Variants in NBPF15 observed in about 807,000 individuals in gnomAD.
NBPF15 encodes NBPF family member NBPF15.
A neutral mutation model predicts 62.2 loss-of-function variants in NBPF15; 74 were observed. That is an observed-to-expected ratio of 1.19 (90% CI 0.99 to 1.44). The LOEUF is 1.44. Ranked by LOEUF, NBPF15 falls within the 40% of genes most tolerant of loss-of-function variation. NBPF15 has a pLI of 0.00. For synonymous variants in NBPF15, 244 were observed against 209.7 expected, an observed-to-expected ratio of 1.16 and a Z score of -1.41; for missense variants, 790 against 550.0, an observed-to-expected ratio of 1.44 and a Z score of -4.36.
At chr1:144,435,707 C>T in intron 11 of NBPF15, 74 bp downstream of exon 11, 1 of 997,662 alleles carries the variant, frequency 1.0e-6, no homozygotes, top group East Asian at 2.3e-5. Context: ...ATCATAGATG[C>T]CAGAGAGGGT....
Position 144,438,046 on chromosome 1 carries a change from T to A in NBPF15, c.177A>T (p.Lys59Asn), listed in dbSNP as rs782420963. Residue 59 changes from lysine (K) to asparagine (N), a missense_variant and splice_region_variant, in exon 9 of 22, where the codon AAA becomes AAT. By Grantham distance (94) the Lys-to-Asn change is moderately conservative. Transcript: ENST00000581897. Reference protein sequence around the residue: ...GFLANRQKKYKYEECKDLIKF... With the variant: ...GFLANRQKKYNYEECKDLIKF... Reference sequence around the variant, plus strand: ...TTATGAGATCTTTGCACTCTTCATATTCTGAGAAAAGACAGACACGCCTGC... The same window carrying A: ...TTATGAGATCTTTGCACTCTTCATAATCTGAGAAAAGACAGACACGCCTGC... 27 of 1,611,188 alleles carry A rather than the reference T, an allele frequency of 1.7e-5. No individual in the cohort carries two copies. The highest frequency in any genetic ancestry group is 2.2e-5 in the Non-Finnish European group (26 of 1,179,812).
chr1:144,453,358 G>A (rs191479039), intron 4 of NBPF15, among the ~76,000 whole-genome samples: 1 of 151,866 alleles, frequency 6.6e-6, no homozygotes, highest in Non-Finnish European at 1.5e-5. Flanking sequence ...AATGTAAGGT[G>A]CAAAACCATA....
At chr1:144,447,974 C>G (rs587721901) in intron 6 of NBPF15, among the ~76,000 whole-genome samples, 1 of 152,036 alleles carries the variant, frequency 6.6e-6, no homozygotes, top group Non-Finnish European at 1.5e-5. Flanking sequence ...GCAGCATCAG[C>G]CACTGTCGGC....
In NBPF15 at chr1:144,438,048, C is replaced by G; in HGVS notation, c.176-1G>C. On this transcript the variant is annotated splice_acceptor_variant, in intron 8 of 21. Coordinates refer to ENST00000581897, the MANE Select transcript of NBPF15 (RefSeq NM_001385408.1). LOFTEE classifies it high-confidence loss of function. The stretch of plus-strand genomic sequence containing the variant: ...ATGAGATCTTTGCACTCTTCATATT[C>G]TGAGAAAAGACAGACACGCCTGCCT... 5 of 1,611,318 alleles carry G rather than the reference C, an allele frequency of 3.1e-6. No homozygotes were observed. Among genetic ancestry groups the G allele is most frequent in the Non-Finnish European group, 3.4e-6 (4 of 1,179,830 alleles).
At chr1:144,432,761 C>A (rs587640501) in intron 13 of NBPF15, among the ~76,000 whole-genome samples, 3 of 151,958 alleles carry the variant, frequency 2.0e-5, no homozygotes, top group East Asian at 1.9e-4. Flanking sequence ...GTTAACTATC[C>A]TAAATATATA....
chr1:144,443,343 T>C (rs1553543264), intron 6 of NBPF15, among the ~76,000 whole-genome samples: 1 of 152,004 alleles, frequency 6.6e-6, no homozygotes, highest in Non-Finnish European at 1.5e-5. Flanking sequence ...TTACTACTGT[T>C]TTAAAATTAC....
In NBPF15 at chr1:144,428,505, G is replaced by A. The variant is rs1671670842; in HGVS notation, c.1040+101C>T. 6.1e-6 allele frequency: 5 copies of A among 814,772 alleles called. No homozygotes were observed. The East Asian group carries it at 1.2e-4, about 20-fold the overall frequency. 50.5% of individuals were successfully genotyped at this position (814,772 alleles called of 1,614,324 possible). A position where few individuals can be genotyped will look rare whatever the true frequency, so the allele number is the denominator to read the frequency against. ...TAGTAGGCATAATTCAGACTTGTCTGACAAGACAAAATCATTATTTTCAGC... is the reference window on the plus strand; with the variant it reads ...TAGTAGGCATAATTCAGACTTGTCTAACAAGACAAAATCATTATTTTCAGC... On this transcript the variant is annotated intron_variant, in intron 15 of 21. Transcript: ENST00000581897.
At chr1:144,438,344 G>A (rs868981547) in intron 8 of NBPF15, among the ~76,000 whole-genome samples, 24 of 151,244 alleles carry the variant, frequency 1.6e-4, no homozygotes, top group African/African-American at 5.2e-4. Context: ...CTCTGAATGC[G>A]GGGCCACTTT....
At position 144,439,851 on chromosome 1, in the gene NBPF15, C is replaced by T; in HGVS notation, c.153G>A (p.Leu51=). 10 of 1,607,718 alleles carry T rather than the reference C, an allele frequency of 6.2e-6. No individual in the cohort carries two copies. The highest frequency in any genetic ancestry group is 8.5e-6 in the Non-Finnish European group (10 of 1,177,136). ...TACTGTATTTCTTCTGTCGGTTGGCCAGGAAGCCGGCCAGTTGAGTTAGAA... is the reference window on the plus strand; with the variant it reads ...TACTGTATTTCTTCTGTCGGTTGGCTAGGAAGCCGGCCAGTTGAGTTAGAA... The part of the protein sequence containing the change: ...KCFLTQLAGF[L]ANRQKKYKYE... The change falls in exon 8 of 22, where the codon CTG becomes CTA. Residue 51 remains leucine (L), a synonymous_variant. Coordinates refer to ENST00000581897, the MANE Select transcript of NBPF15 (RefSeq NM_001385408.1).
At chr1:144,444,379 G>A (rs1685756735) in intron 6 of NBPF15, among the ~76,000 whole-genome samples, 1 of 151,412 alleles carries the variant, frequency 6.6e-6, no homozygotes, top group East Asian at 1.9e-4. Flanking sequence ...ACGAAATAAC[G>A]AAGGCATTCT....
intron 12 of NBPF15, among the ~76,000 whole-genome samples, chr1:144,434,761 A>C (rs1345392043): frequency 6.6e-6 from 1 of 151,936 alleles, no homozygotes; most frequent in Non-Finnish European, 1.5e-5. Context: ...CAGCTTCCTT[A>C]AACAGGCATA....
At chr1:144,443,391 A>T (rs1180007944) in intron 6 of NBPF15, among the ~76,000 whole-genome samples, 2 of 151,874 alleles carry the variant, frequency 1.3e-5, no homozygotes, top group Admixed American at 6.6e-5. Context: ...TAGCAGAGTA[A>T]GTCCTCCAAC....
chr1:144,423,336 T>A, intron 21 of NBPF15, 80 bp from the exon 22 acceptor site: 2 of 1,608,544 alleles, frequency 1.2e-6, no homozygotes, highest in Non-Finnish European at 1.7e-6. Flanking sequence ...AGAAGTAATA[T>A]AAGGAAGTGG....
chr1:144,431,334 A>G (rs1388839914), intron 13 of NBPF15, among the ~76,000 whole-genome samples: 1 of 149,934 alleles, frequency 6.7e-6, no homozygotes, highest in Non-Finnish European at 1.5e-5. Flanking sequence ...GAAAGGTCGG[A>G]TTACCCACAA....
At chr1:144,436,213 A>C (rs1359555126) in intron 10 of NBPF15, among the ~76,000 whole-genome samples, 47 of 152,140 alleles carry the variant, frequency 3.1e-4, no homozygotes, top group Non-Finnish European at 2.5e-4. Context: ...TTTCAAACCT[A>C]ATTCTTTCTC....
In NBPF15 at chr1:144,423,245, A is replaced by G; in HGVS notation, c.1781T>C (p.Val594Ala). 1 of 1,611,568 alleles carries G rather than the reference A, an allele frequency of 6.2e-7. No homozygotes were observed. Reference sequence around the variant, plus strand: ...TTCAGGCTCTTCCACTTCCATCAGCACGCCGTAGAGCCTGGAAAAGGAGAC... The same window carrying G: ...TTCAGGCTCTTCCACTTCCATCAGCGCGCCGTAGAGCCTGGAAAAGGAGAC... The part of the protein sequence containing the change: ...DNPPCPRLYG[V>A]LMEVEEPEVL... The change falls in exon 22 of 22, where the codon GTG becomes GCG. Residue 594 changes from valine (V) to alanine (A), a missense_variant. Physicochemically the swap from Val to Ala is moderately conservative, Grantham distance 64. Transcript: ENST00000581897.
Position 144,422,845 on chromosome 1 carries a change from G to A in NBPF15, c.*168C>T, listed in dbSNP as rs1571098931. The A allele has an allele frequency of 6.5e-7, 1 of 1,535,760 alleles. No homozygotes were observed. Among genetic ancestry groups the A allele is most frequent in the Non-Finnish European group, 8.8e-7 (1 of 1,133,206 alleles). ...ACCTAACATGGGTCCATTGTCTTCA[G>A]ATTGAGCACAGGTTGCCAATGGCAT... On this transcript the variant is annotated 3_prime_UTR_variant, in exon 22 of 22. Transcript: ENST00000581897.
rs1210145397 is a variant in NBPF15, at chr1:144,426,680, G to C, written c.1266-230C>G. On this transcript the variant is annotated intron_variant, in intron 17 of 21. Transcript: ENST00000581897. ...AGAGAGAGAGGAGAAAGTGAGCTCAGCGAATTGGCCGGGTGACACACTGAT... is the reference window on the plus strand; with the variant it reads ...AGAGAGAGAGGAGAAAGTGAGCTCACCGAATTGGCCGGGTGACACACTGAT... Among the ~76,000 whole-genome samples the C allele has an allele frequency of 2.2e-3, 328 of 151,688 alleles. 2 individuals are homozygous for C. Among genetic ancestry groups the C allele is most frequent in the African/African-American group, 7.5e-3 (312 of 41,360 alleles).
chr1:144,427,235 A>G lies in NBPF15; in HGVS notation c.1214-137T>C, dbSNP rs1161419191. On this transcript the variant is annotated intron_variant, in intron 16 of 21. Transcript: ENST00000581897. ...GACACTGTGAGAGATATTCTTCAAG[A>G]GGCCTGAAGGCTGATCACCATAGAG... 1.3e-5 allele frequency: 9 copies of G among 671,474 alleles called. No individual in the cohort carries two copies. The East Asian group carries it at 2.1e-4, about 16-fold the overall frequency. 41.6% of individuals were successfully genotyped at this position (671,474 alleles called of 1,614,324 possible). A position where few individuals can be genotyped will look rare whatever the true frequency, so the allele number is the denominator to read the frequency against.
Sources: allele counts gnomAD v4.1 joint callset (sites outside exome capture counted in the v4.1 genomes callset), GRCh38; gene constraint gnomAD v4.1.1; transcripts MANE v1.5; gene names NCBI Gene and HGNC (gene_info 2026-07-23, HGNC 2026-07-21).